Variants in ST6GALNAC3 observed in about 807,000 individuals in gnomAD.
ST6GALNAC3 encodes alpha-N-acetylgalactosaminide alpha-2,6-sialyltransferase 3.
A neutral mutation model predicts 32.7 loss-of-function variants in ST6GALNAC3; 25 were observed. That is an observed-to-expected ratio of 0.76 (90% CI 0.56 to 1.07). The LOEUF (loss-of-function observed/expected upper bound fraction) is 1.07, where lower values mean the gene tolerates loss of function less well. ST6GALNAC3 is among the 50% of genes least tolerant of loss of function. ST6GALNAC3 has a pLI of 0.00. For synonymous variants in ST6GALNAC3, 129 were observed against 133.1 expected, an observed-to-expected ratio of 0.97 and a Z score of 0.21; for missense variants, 355 against 382.4, an observed-to-expected ratio of 0.93 and a Z score of 0.60.
chr1:76,425,714 G>A (rs991222264), intron 3 of ST6GALNAC3, among the ~76,000 whole-genome samples: 5 of 151,924 alleles, frequency 3.3e-5, no homozygotes, highest in Admixed American at 6.6e-5. Context: ...AAACCTTGCC[G>A]AGAGAGACCA....
At chr1:76,126,682 C>T (rs1286579688) in intron 1 of ST6GALNAC3, among the ~76,000 whole-genome samples, 1 of 152,146 alleles carries the variant, frequency 6.6e-6, no homozygotes, top group Admixed American at 6.6e-5. Flanking sequence ...TCCCTTTATG[C>T]TGGGCAAACA....
At chr1:76,213,195 G>T (rs927864855) in intron 1 of ST6GALNAC3, among the ~76,000 whole-genome samples, 2 of 152,064 alleles carry the variant, frequency 1.3e-5, no homozygotes, top group Non-Finnish European at 2.9e-5. Flanking sequence ...CTGGCCAATG[G>T]GATCTGTTAG....
intron 1 of ST6GALNAC3, among the ~76,000 whole-genome samples, chr1:76,201,029 C>T (rs930505890): frequency 7.3e-5 from 11 of 151,070 alleles, no homozygotes; most frequent in Non-Finnish European, 1.5e-4. Context: ...TAATACAAAA[C>T]AAATTGTACC....
intron 3 of ST6GALNAC3, among the ~76,000 whole-genome samples, chr1:76,560,034 C>A (rs1665157011): frequency 6.6e-6 from 1 of 152,038 alleles, no homozygotes; most frequent in Non-Finnish European, 1.5e-5. Flanking sequence ...ATCCATGCAC[C>A]TAAAGTGAAC....
chr1:76,387,562 TAG>T (rs771996813), intron 2 of ST6GALNAC3, among the ~76,000 whole-genome samples: 22 of 152,292 alleles, frequency 1.4e-4, no homozygotes, highest in Non-Finnish European at 2.6e-4. Flanking sequence ...AGCTCCTCAG[TAG>T]AGTTTTCTGC....
intron 1 of ST6GALNAC3, among the ~76,000 whole-genome samples, chr1:76,199,879 A>T (rs1034719890): frequency 6.6e-6 from 1 of 152,280 alleles, no homozygotes; most frequent in Admixed American, 6.5e-5. Flanking sequence ...GGCAACCTTC[A>T]TTTTTCTAAT....
chr1:76,280,126 A>T (rs113132750), intron 1 of ST6GALNAC3, among the ~76,000 whole-genome samples: 1 of 150,882 alleles, frequency 6.6e-6, no homozygotes, highest in African/African-American at 2.4e-5. Flanking sequence ...GCTTCACTTC[A>T]TTCTCCCTGT....
At chr1:76,173,230 T>C (rs1437461110) in intron 1 of ST6GALNAC3, among the ~76,000 whole-genome samples, 1 of 152,026 alleles carries the variant, frequency 6.6e-6, no homozygotes, top group East Asian at 1.9e-4. Context: ...AAATAAGCAA[T>C]GGGAAAGAAT....
chr1:76,520,900 ATTATT>A (rs1213927614), intron 3 of ST6GALNAC3, among the ~76,000 whole-genome samples: 2 of 152,226 alleles, frequency 1.3e-5, no homozygotes, highest in Admixed American at 1.3e-4. Flanking sequence ...TTCTACTTGA[ATTATT>A]TTGTTTGTTA....
chr1:76,527,473 C>T (rs1206130560), intron 3 of ST6GALNAC3, among the ~76,000 whole-genome samples: 1 of 152,036 alleles, frequency 6.6e-6, no homozygotes, highest in Non-Finnish European at 1.5e-5. Flanking sequence ...GGTTTGAATG[C>T]TTCCTTCTAT....
intron 1 of ST6GALNAC3, among the ~76,000 whole-genome samples, chr1:76,126,286 C>A (rs1203272460): frequency 6.6e-6 from 1 of 152,140 alleles, no homozygotes; most frequent in Non-Finnish European, 1.5e-5. Flanking sequence ...CTCTTTCTCT[C>A]ATGCACTCAT....
chr1:76,457,318 A>G (rs909859831), intron 3 of ST6GALNAC3, among the ~76,000 whole-genome samples: 60 of 152,318 alleles, frequency 3.9e-4, no homozygotes, highest in African/African-American at 1.4e-3. Flanking sequence ...CCATCAAGCT[A>G]CCAATGACTT....
At chr1:76,115,167 G>T (rs1219907447) in intron 1 of ST6GALNAC3, among the ~76,000 whole-genome samples, 2 of 152,114 alleles carry the variant, frequency 1.3e-5, no homozygotes, top group Non-Finnish European at 2.9e-5. Context: ...TGCTACTATA[G>T]GATCCCTTGT....
intron 2 of ST6GALNAC3, among the ~76,000 whole-genome samples, chr1:76,374,347 C>T (rs560066698): frequency 7.2e-5 from 11 of 152,270 alleles, no homozygotes; most frequent in Non-Finnish European, 1.2e-4. Context: ...ATACATCAGA[C>T]GCTAAAATAG....
chr1:76,337,214 C>A (rs969867769), intron 2 of ST6GALNAC3, among the ~76,000 whole-genome samples: 5 of 152,204 alleles, frequency 3.3e-5, no homozygotes, highest in African/African-American at 1.2e-4. Flanking sequence ...AGGGGCACAT[C>A]ATTCCTGCAT....
chr1:76,225,606 T>C (rs1382388795), intron 1 of ST6GALNAC3, among the ~76,000 whole-genome samples: 1 of 152,208 alleles, frequency 6.6e-6, no homozygotes, highest in Non-Finnish European at 1.5e-5. Context: ...TAACCTGCCA[T>C]ATGCTTCACT....
chr1:76,566,087 T>C (rs911520279), intron 3 of ST6GALNAC3, among the ~76,000 whole-genome samples: 4 of 152,218 alleles, frequency 2.6e-5, no homozygotes, highest in African/African-American at 7.2e-5. Context: ...CTTTGGCTAG[T>C]AATGATTAGG....
intron 1 of ST6GALNAC3, among the ~76,000 whole-genome samples, chr1:76,275,407 A>C (rs1659081298): frequency 6.6e-6 from 1 of 152,186 alleles, no homozygotes; most frequent in African/African-American, 2.4e-5. Context: ...TGATGTCCCC[A>C]TCCCTCCCAG....
intron 3 of ST6GALNAC3, among the ~76,000 whole-genome samples, chr1:76,446,839 A>G (rs1379595410): frequency 6.6e-6 from 1 of 152,166 alleles, no homozygotes; most frequent in Non-Finnish European, 1.5e-5. Flanking sequence ...AGGCCTCCCT[A>G]GCCACGTGGA....
Sources: allele counts gnomAD v4.1 joint callset (sites outside exome capture counted in the v4.1 genomes callset), GRCh38; gene constraint gnomAD v4.1.1; transcripts MANE v1.5; gene names NCBI Gene and HGNC (gene_info 2026-07-23, HGNC 2026-07-21).